The following TJP2 variants were observed in gnomAD, a reference collection of about 807,000 sequenced individuals.
The protein encoded by TJP2 is tight junction protein 2.
In TJP2, 91 loss-of-function variants were observed where a neutral mutation model predicts 133.1. The observed-to-expected ratio is 0.68, with a 90% CI of 0.58 to 0.81. The LOEUF is 0.81. Among genes scored for constraint, TJP2 ranks in the 40% least tolerant of loss-of-function variants. The pLI is 0.00. For synonymous variants in TJP2, 592 were observed against 583.4 expected (o/e 1.01, Z -0.21); for missense variants, 1,541 against 1,565.6 (o/e 0.98, Z 0.26).
chr9:69,197,955 T>G (rs1019386183), intron 1 of TJP2, among the ~76,000 whole-genome samples: 1 of 152,072 alleles, frequency 6.6e-6, no homozygotes, highest in Non-Finnish European at 1.5e-5. Context: ...GTGAAATGGG[T>G]GATGATGCCA....
chr9:69,181,890 G>A (rs1283349092), intron 1 of TJP2, among the ~76,000 whole-genome samples: 1 of 152,186 alleles, frequency 6.6e-6, no homozygotes, highest in African/African-American at 2.4e-5. Context: ...AGCACCACGT[G>A]TGCTGGATTC....
intron 19 of TJP2, 131 bp downstream of exon 19, chr9:69,248,355 C>T: frequency 4.1e-6 from 6 of 1,450,090 alleles, no homozygotes; most frequent in Non-Finnish European, 5.5e-6. Flanking sequence ...TCCAGGGAGT[C>T]TCTCGCTTTG....
At chr9:69,238,818 T>A (rs1358061070) in intron 16 of TJP2, 29 bp downstream of exon 16, 1 of 1,549,696 alleles carries the variant, frequency 6.5e-7, no homozygotes, top group East Asian at 2.3e-5. Flanking sequence ...AGACCGTGTT[T>A]TCAGAAAGAA....
chr9:69,144,405 A>G (rs891549264), intron 1 of TJP2, among the ~76,000 whole-genome samples: 1 of 152,214 alleles, frequency 6.6e-6, no homozygotes, highest in African/African-American at 2.4e-5. Context: ...GAGTTACTGC[A>G]TAATGGCTCC....
At position 69,221,125 on chromosome 9, in the gene TJP2, A is replaced by ACCGGAGCCGTGG. The variant is rs749616153; in HGVS notation, c.590_601dup (p.Arg197_Ser200dup). 7 of 1,587,546 alleles carry ACCGGAGCCGTGG rather than the reference A, an allele frequency of 4.4e-6. No individual in the cohort carries two copies. In the African/African-American group the frequency reaches 9.4e-5, roughly 21 times the overall value. On this transcript the variant is annotated inframe_insertion, in exon 5 of 23. Transcript: ENST00000377245. ...AGCCGGGAGCGGGACCTCAGCCGGGACCGGAGCCGTGGCCGGAGCCTGGAG... is the reference window on the plus strand; with the variant it reads ...AGCCGGGAGCGGGACCTCAGCCGGGACCGGAGCCGTGGCCGGAGCCGTGGCCGGAGCCTGGAG...
Position 69,230,053 on chromosome 9 carries a change from T to C in TJP2, c.1521-29T>C, listed in dbSNP as rs780174539. The C allele has an allele frequency of 6.8e-6, 11 of 1,613,098 alleles. No homozygotes were observed. The Admixed American group carries it at 1.2e-4, about 17-fold the overall frequency. ...TCCCTTTTAAAAAATATCTCCCATCTTTCCTTTCTGAAACGGAACCTATTG... is the reference window on the plus strand; with the variant it reads ...TCCCTTTTAAAAAATATCTCCCATCCTTCCTTTCTGAAACGGAACCTATTG... On this transcript the variant is annotated intron_variant, in intron 10 of 22. Coordinates refer to ENST00000377245, the MANE Select transcript of TJP2 (RefSeq NM_004817.4).
At chr9:69,236,527 A>G (rs187403867) in intron 13 of TJP2, among the ~76,000 whole-genome samples, 6 of 152,290 alleles carry the variant, frequency 3.9e-5, no homozygotes, top group African/African-American at 2.4e-5. Flanking sequence ...GAATGGCCGT[A>G]GCACACCAGC....
At chr9:69,144,919 C>G (rs1394996584) in intron 1 of TJP2, among the ~76,000 whole-genome samples, 3 of 152,124 alleles carry the variant, frequency 2.0e-5, no homozygotes, top group Non-Finnish European at 2.9e-5. Flanking sequence ...GAGTGGGCCA[C>G]CATGATAGGT....
At chr9:69,177,031 A>G (rs980502817) in intron 1 of TJP2, among the ~76,000 whole-genome samples, 1 of 152,226 alleles carries the variant, frequency 6.6e-6, no homozygotes, top group African/African-American at 2.4e-5. Context: ...AACATATTCT[A>G]CCAACAATAT....
At chr9:69,253,717 T>G in intron 22 of TJP2, 1 of 230,132 alleles carries the variant, frequency 4.3e-6, no homozygotes, top group Non-Finnish European at 8.7e-6. Flanking sequence ...AGTGCTAGGA[T>G]TACAGGTGTG....
intron 17 of TJP2, among the ~76,000 whole-genome samples, chr9:69,244,100 C>T (rs1830753949): frequency 6.7e-6 from 1 of 148,200 alleles, no homozygotes; most frequent in Non-Finnish European, 1.5e-5. Context: ...GGGAGGATCA[C>T]TTAAGCCCGG....
At position 69,174,290 on chromosome 9, in the gene TJP2, G is replaced by A; in HGVS notation, c.-83G>A. Reference sequence around the variant, plus strand: ...GGGCTGCGGGTCAGAGCACTGTCCGGTGGTGCCCAGGAGGAGTAGGAGCAG... The same window carrying A: ...GGGCTGCGGGTCAGAGCACTGTCCGATGGTGCCCAGGAGGAGTAGGAGCAG... On this transcript the variant is annotated 5_prime_UTR_variant, in exon 1 of 23. The change creates a new upstream start codon in the 5' untranslated region. Transcript: ENST00000377245. 6.5e-7 allele frequency: 1 copy of A among 1,549,564 alleles called. No individual in the cohort carries two copies. Among genetic ancestry groups the A allele is most frequent in the South Asian group, 1.2e-5 (1 of 83,918 alleles).
intron 1 of TJP2, among the ~76,000 whole-genome samples, chr9:69,139,542 G>A (rs1822922922): frequency 1.3e-5 from 2 of 152,094 alleles, no homozygotes; most frequent in African/African-American, 4.8e-5. Flanking sequence ...CACAGCCCTC[G>A]CAGGACCTAC....
rs1228703989 is a variant in TJP2 at position 69,252,736 on chromosome 9, G to A, written c.3322-79G>A. The A allele has an allele frequency of 1.9e-5, 25 of 1,345,184 alleles. No homozygotes were observed. The Admixed American group carries it at 4.4e-4, about 24-fold the overall frequency. 83.3% of individuals were successfully genotyped at this position (1,345,184 alleles called of 1,614,324 possible). A position where few individuals can be genotyped will look rare whatever the true frequency, so the allele number is the denominator to read the frequency against. ...TAAGTAGGATATGGGGAAAGGGTGG[G>A]ACCAGCAGGAAACCAGCAAGCAGAG... On this transcript the variant is annotated intron_variant, in intron 21 of 22. Transcript: ENST00000377245.
Position 69,137,502 on chromosome 9 carries a change from A to G in TJP2, c.-130-14149A>G, listed in dbSNP as rs563649896. 7.3e-5 allele frequency among the ~76,000 whole-genome samples: 11 copies of G among 151,182 alleles called. No individual in the cohort carries two copies. In the South Asian group the frequency reaches 2.3e-3, roughly 32 times the overall value. ...CTCAGCCTCCTGAGTAGCTGGAACC[A>G]CAGATGCGCACCACCAGGCCCGGCC... is the stretch of plus-strand genomic sequence containing the variant. On this transcript the variant is annotated intron_variant, in intron 1 of 5. Coordinates refer to the TJP2 transcript ENST00000423935.
upstream of TJP2, chr9:69,174,182 G>T (rs1824869550): frequency 5.4e-6 from 7 of 1,306,064 alleles, no homozygotes; most frequent in Non-Finnish European, 1.9e-6. Flanking sequence ...CGCCACGCTC[G>T]GGTCGGGGGC....
intron 2 of TJP2, among the ~76,000 whole-genome samples, chr9:69,214,784 A>G (rs1441406014): frequency 3.3e-5 from 5 of 151,202 alleles, no homozygotes; most frequent in Non-Finnish European, 5.9e-5. Flanking sequence ...GAGGCAGGAG[A>G]ATCACTTGAA....
At chr9:69,227,895 C>T in intron 8 of TJP2, 22 bp downstream of exon 8, 1 of 1,608,758 alleles carries the variant, frequency 6.2e-7, no homozygotes, top group Non-Finnish European at 8.5e-7. Flanking sequence ...TGAATATTCT[C>T]TTGTACATGT....
chr9:69,218,538 C>T, intron 4 of TJP2, 179 bp downstream of exon 4: 1 of 652,178 alleles, frequency 1.5e-6, no homozygotes, highest in Non-Finnish European at 2.8e-6. Context: ...TCCTACTTTT[C>T]CTTGTGTCTT....
Sources: gnomAD v4.1 joint callset for allele counts (sites outside exome capture counted in the v4.1 genomes callset) on GRCh38, gnomAD v4.1.1 for gene constraint, MANE v1.5 for transcripts, NCBI Gene and HGNC (gene_info 2026-07-23, HGNC 2026-07-21) for gene names.